HPSE2: variants seen among roughly 807,000 people sequenced by gnomAD.
HPSE2 encodes inactive heparanase-2.
A neutral mutation model predicts 60.5 loss-of-function variants in HPSE2; 38 were observed. That is an observed-to-expected ratio of 0.63 (90% CI 0.48 to 0.82). HPSE2 has a LOEUF of 0.82. Ranked by LOEUF, HPSE2 falls within the 40% of genes least tolerant of loss-of-function variation. The pLI, the probability that HPSE2 is intolerant of heterozygous loss-of-function variation, is 0.00. For missense variants in HPSE2, 713 were observed against 740.4 expected, an observed-to-expected ratio of 0.96 and a Z score of 0.43; for synonymous variants, 295 against 293.2, an observed-to-expected ratio of 1.01 and a Z score of -0.06.
In HPSE2 at chr10:99,205,095, G is replaced by A. The variant is rs181708725; in HGVS notation, c.448+27253C>T. Reference sequence around the variant, plus strand: ...AGACACCAGCAACTCCAAAAGCAGGGAAGGTAGGAGGGAAGCAAGGGCTGA... The same window carrying A: ...AGACACCAGCAACTCCAAAAGCAGGAAAGGTAGGAGGGAAGCAAGGGCTGA... On this transcript the variant is annotated intron_variant, in intron 2 of 11. Coordinates refer to ENST00000370552, the MANE Select transcript of HPSE2 (RefSeq NM_021828.5). Among the ~76,000 whole-genome samples, 447 of 152,310 alleles carry A rather than the reference G, an allele frequency of 2.9e-3. 2 individuals carry two copies. Among genetic ancestry groups the A allele is most frequent in the Admixed American group, 5.4e-3 (82 of 15,300 alleles).
chr10:98,926,156 CT>C (rs34083451), intron 3 of HPSE2, among the ~76,000 whole-genome samples: 2 of 152,036 alleles, frequency 1.3e-5, no homozygotes, highest in Non-Finnish European at 1.5e-5. Context: ...AAAGGGCATG[CT>C]TTTTGTATGG....
At chr10:98,479,850 G>A (rs1941166466) in intron 11 of HPSE2, among the ~76,000 whole-genome samples, 2 of 152,152 alleles carry the variant, frequency 1.3e-5, no homozygotes, top group Non-Finnish European at 1.5e-5. Context: ...GTTTGTGGAA[G>A]GCTTTATTTC....
chr10:99,008,993 T>C (rs1204606845), intron 3 of HPSE2, among the ~76,000 whole-genome samples: 1 of 152,150 alleles, frequency 6.6e-6, no homozygotes, highest in Non-Finnish European at 1.5e-5. Flanking sequence ...CCTGCTGCTG[T>C]GTCAAGTTTG....
intron 9 of HPSE2, among the ~76,000 whole-genome samples, chr10:98,526,835 T>C (rs1030129963): frequency 6.6e-6 from 1 of 152,136 alleles, no homozygotes; most frequent in Non-Finnish European, 1.5e-5. Context: ...CTGGTATAAA[T>C]TTCTGGGGCA....
chr10:98,470,261 T>C (rs940128387), intron 11 of HPSE2, among the ~76,000 whole-genome samples: 3 of 152,146 alleles, frequency 2.0e-5, no homozygotes, highest in African/African-American at 7.2e-5. Context: ...TGGTATAATC[T>C]CAAAAGGGAA....
chr10:98,562,495 T>A (rs1022260033), intron 9 of HPSE2, among the ~76,000 whole-genome samples: 3 of 151,680 alleles, frequency 2.0e-5, no homozygotes, highest in Non-Finnish European at 4.4e-5. Flanking sequence ...GGCGGGCGGA[T>A]CACAAGGTCA....
intron 2 of HPSE2, among the ~76,000 whole-genome samples, chr10:99,222,083 A>C (rs1564904404): frequency 6.6e-6 from 1 of 152,116 alleles, no homozygotes; most frequent in Non-Finnish European, 1.5e-5. Flanking sequence ...AGCCCTATTT[A>C]CAAGCAAACT....
intron 3 of HPSE2, among the ~76,000 whole-genome samples, chr10:98,876,646 T>A (rs965114220): frequency 6.6e-6 from 1 of 151,902 alleles, no homozygotes; most frequent in African/African-American, 2.4e-5. Flanking sequence ...TGGATTTTTT[T>A]AGTCATAATA....
At chr10:98,530,223 G>GGTACTAAGCCAGCCAGATTTACTTGA (rs1393559827) in intron 9 of HPSE2, among the ~76,000 whole-genome samples, 1 of 152,194 alleles carries the variant, frequency 6.6e-6, no homozygotes, top group Non-Finnish European at 1.5e-5. Context: ...CCTGCTCAAA[G>GGTACTAAGCCAGCCAGATTTACTTGA]GTACTAAGCC....
intron 8 of HPSE2, among the ~76,000 whole-genome samples, chr10:98,616,522 T>G (rs1264524761): frequency 6.6e-6 from 1 of 152,214 alleles, no homozygotes; most frequent in African/African-American, 2.4e-5. Context: ...GAATTAAGTT[T>G]TTTCCTTGCT....
At chr10:99,180,146 A>T (rs764091457) in intron 2 of HPSE2, among the ~76,000 whole-genome samples, 6 of 152,210 alleles carry the variant, frequency 3.9e-5, no homozygotes, top group Non-Finnish European at 8.8e-5. Flanking sequence ...AAGACCTAAA[A>T]TCATAAAAAC....
intron 3 of HPSE2, among the ~76,000 whole-genome samples, chr10:99,003,695 G>A (rs1177759337): frequency 1.3e-5 from 2 of 151,964 alleles, no homozygotes; most frequent in Non-Finnish European, 2.9e-5. Flanking sequence ...TTGCTATTGA[G>A]TTGAGTTCCT....
At chr10:98,773,816 G>A in intron 3 of HPSE2, among the ~76,000 whole-genome samples, 1 of 152,202 alleles carries the variant, frequency 6.6e-6, no homozygotes, top group Non-Finnish European at 1.5e-5. Flanking sequence ...GCCTTTGGGA[G>A]GCTAAGGTGA....
intron 5 of HPSE2, among the ~76,000 whole-genome samples, chr10:98,703,048 TAAAG>T (rs1453544648): frequency 6.6e-6 from 1 of 151,682 alleles, no homozygotes; most frequent in East Asian, 1.9e-4. Context: ...ACTAGACTAA[TAAAG>T]AAGAAAAGAG....
intron 3 of HPSE2, among the ~76,000 whole-genome samples, chr10:98,976,769 T>A (rs1395510058): frequency 6.6e-6 from 1 of 151,904 alleles, no homozygotes; most frequent in Non-Finnish European, 1.5e-5. Flanking sequence ...AATATCCATA[T>A]CAAATCCTTG....
chr10:99,068,269 C>T (rs191194127), intron 3 of HPSE2, among the ~76,000 whole-genome samples: 21 of 152,264 alleles, frequency 1.4e-4, no homozygotes, highest in East Asian at 7.7e-4. Flanking sequence ...TTTACAGCAG[C>T]GCCCCACTAC....
intron 3 of HPSE2, among the ~76,000 whole-genome samples, chr10:98,847,857 A>G (rs1354243963): frequency 6.6e-6 from 1 of 152,206 alleles, no homozygotes; most frequent in Non-Finnish European, 1.5e-5. Flanking sequence ...TGGTCCCTTT[A>G]CTATTTGTGG....
intron 3 of HPSE2, among the ~76,000 whole-genome samples, chr10:98,999,028 A>G (rs1359738722): frequency 6.6e-6 from 1 of 152,142 alleles, no homozygotes; most frequent in Non-Finnish European, 1.5e-5. Context: ...GTAAGAGGAG[A>G]GGGGTTTCTT....
chr10:98,983,192 C>A (rs945875358), intron 3 of HPSE2, among the ~76,000 whole-genome samples: 1 of 152,260 alleles, frequency 6.6e-6, no homozygotes, highest in South Asian at 2.1e-4. Context: ...CACTTTATTT[C>A]TATTATTACT....
Sources: gnomAD v4.1 joint callset for allele counts (sites outside exome capture counted in the v4.1 genomes callset) on GRCh38, gnomAD v4.1.1 for gene constraint, MANE v1.5 for transcripts, NCBI Gene and HGNC (gene_info 2026-07-23, HGNC 2026-07-21) for gene names.